ANKS1B: variants seen among roughly 807,000 people sequenced by gnomAD.
The protein encoded by ANKS1B is ankyrin repeat and sterile alpha motif domain containing 1B.
In ANKS1B, 36 loss-of-function variants were observed where a neutral mutation model predicts 148.3. The ratio of observed to expected loss-of-function variants is 0.24; its 90% CI spans 0.19 to 0.32. The LOEUF (loss-of-function observed/expected upper bound fraction) is 0.32, where lower values mean the gene tolerates loss of function less well. Among genes scored for constraint, ANKS1B ranks in the 10% least tolerant of loss-of-function variants. The pLI, the probability that ANKS1B is intolerant of heterozygous loss-of-function variation, is 1.00. For missense variants in ANKS1B, 1,157 were observed against 1,542.6 expected, an observed-to-expected ratio of 0.75 and a Z score of 4.19; for synonymous variants, 542 against 560.8, an observed-to-expected ratio of 0.97 and a Z score of 0.47.
rs758561981 is a variant in ANKS1B at position 99,825,318 on chromosome 12, T to C, written c.206A>G (p.Asn69Ser). The C allele has an allele frequency of 1.2e-6, 2 of 1,612,434 alleles. No homozygotes were observed. The highest frequency in any genetic ancestry group is 2.2e-5 in the East Asian group (1 of 44,814). The change falls in exon 2 of 27, where the codon AAT becomes AGT. Residue 69 changes from asparagine (N) to serine (S), a missense_variant. By Grantham distance (46) the Asn-to-Ser change is conservative (BLOSUM62 1). Transcript: ENST00000683438. ...GYTALHHAAL[N>S]GHKDIVLKLL... ...AATAAGTGGCACTTACTTATGTCCA[T>C]TTAAGGCTGCGTGGTGTAAAGCAGT... is the stretch of plus-strand genomic sequence containing the variant.
At chr12:99,353,753 G>C (rs1352666935) in intron 12 of ANKS1B, among the ~76,000 whole-genome samples, 1 of 151,452 alleles carries the variant, frequency 6.6e-6, no homozygotes, top group African/African-American at 2.4e-5. Flanking sequence ...CTAGCTCACT[G>C]CTTTCTTCTC....
rs1306563537 is a variant in ANKS1B at position 99,602,368 on chromosome 12, A to C, written c.1272+52699T>G. 1.3e-5 allele frequency among the ~76,000 whole-genome samples: 2 copies of C among 152,098 alleles called. 1 individual carries two copies. Among genetic ancestry groups the C allele is most frequent in the South Asian group, 4.2e-4 (2 of 4,804 alleles). ...TGGTATTGCAGGTAGGCCTCCACCAAACTTAGTCCTCCATATGGTGTGAGT... is the reference window on the plus strand; with the variant it reads ...TGGTATTGCAGGTAGGCCTCCACCACACTTAGTCCTCCATATGGTGTGAGT... On this transcript the variant is annotated intron_variant, in intron 9 of 26. Transcript: ENST00000683438.
intron 17 of ANKS1B, among the ~76,000 whole-genome samples, chr12:98,942,729 T>C (rs1184480125): frequency 6.6e-6 from 1 of 152,224 alleles, no homozygotes; most frequent in Admixed American, 6.5e-5. Context: ...TTGTTCAATA[T>C]ATAACGGAAT....
At chr12:98,762,309 C>G (rs2098419438) in intron 25 of ANKS1B, among the ~76,000 whole-genome samples, 1 of 152,156 alleles carries the variant, frequency 6.6e-6, no homozygotes, top group Non-Finnish European at 1.5e-5. Flanking sequence ...CTGGGAGTTT[C>G]AGGATTCTCT....
chr12:99,564,733 A>G (rs945584239), intron 9 of ANKS1B, among the ~76,000 whole-genome samples: 2 of 152,146 alleles, frequency 1.3e-5, no homozygotes, highest in Non-Finnish European at 2.9e-5. Context: ...AGCACAAACA[A>G]TAATAGTCTG....
At chr12:99,422,072 C>G (rs183339747) in intron 11 of ANKS1B, among the ~76,000 whole-genome samples, 1 of 152,146 alleles carries the variant, frequency 6.6e-6, no homozygotes, top group African/African-American at 2.4e-5. Context: ...GAACCGTGAG[C>G]CAATTAAATC....
chr12:99,708,844 G>A (rs535888309), intron 8 of ANKS1B, among the ~76,000 whole-genome samples: 1 of 152,072 alleles, frequency 6.6e-6, no homozygotes, highest in South Asian at 2.1e-4. Context: ...TTCCAACCTG[G>A]ATATTTTTGG....
intron 12 of ANKS1B, among the ~76,000 whole-genome samples, chr12:99,339,899 C>A (rs939129640): frequency 1.3e-5 from 2 of 152,028 alleles, no homozygotes; most frequent in Non-Finnish European, 2.9e-5. Context: ...AGGTCTCAAT[C>A]CTGTATACTT....
At chr12:98,743,338 C>T (rs1471847239), downstream of ANKS1B, among the ~76,000 whole-genome samples, 1 of 150,640 alleles carries the variant, frequency 6.6e-6, no homozygotes, top group African/African-American at 2.4e-5. Context: ...TCATAGGGTT[C>T]GTTAACTCAG....
chr12:98,824,121 C>T (rs762881832), intron 19 of ANKS1B, among the ~76,000 whole-genome samples: 6 of 152,128 alleles, frequency 3.9e-5, no homozygotes, highest in South Asian at 2.1e-4. Context: ...ACAATAATAA[C>T]GTGTTATTAC....
Position 99,046,836 on chromosome 12 carries a change from A to C in ANKS1B, c.2778+6321T>G, listed in dbSNP as rs570461034. Among the ~76,000 whole-genome samples, 4 of 151,792 alleles carry C rather than the reference A, an allele frequency of 2.6e-5. No homozygotes were observed. The South Asian group carries it at 8.4e-4, about 32-fold the overall frequency. ...AAAAAAGAAAAAAAAAAGAAAAAGA[A>C]AGACCCAAGTCTAACTTGTGAAGAT... is the stretch of plus-strand genomic sequence containing the variant. On this transcript the variant is annotated intron_variant, in intron 17 of 26. Transcript: ENST00000683438.
chr12:99,735,776 C>A, intron 8 of ANKS1B, among the ~76,000 whole-genome samples: 1 of 142,828 alleles, frequency 7.0e-6, no homozygotes. Context: ...CTAGAATTAC[C>A]CTGATACTAA....
At chr12:98,996,723 G>T (rs2099929852) in intron 17 of ANKS1B, among the ~76,000 whole-genome samples, 1 of 141,942 alleles carries the variant, frequency 7.0e-6, no homozygotes, top group Non-Finnish European at 1.5e-5. Flanking sequence ...TGAGGCAGGA[G>T]AATGGCATGA....
At chr12:98,847,845 C>T (rs1420808295) in intron 17 of ANKS1B, among the ~76,000 whole-genome samples, 1 of 152,168 alleles carries the variant, frequency 6.6e-6, no homozygotes, top group African/African-American at 2.4e-5. Context: ...ATTTGCCCGC[C>T]TCAGCCTCTC....
downstream of ANKS1B, among the ~76,000 whole-genome samples, chr12:98,741,460 A>T (rs952307897): frequency 6.6e-6 from 1 of 152,242 alleles, no homozygotes; most frequent in African/African-American, 2.4e-5. Flanking sequence ...TTCAAAACCC[A>T]ACGATTTTGC....
chr12:99,204,882 G>T (rs529787675), intron 14 of ANKS1B, among the ~76,000 whole-genome samples: 1 of 152,232 alleles, frequency 6.6e-6, no homozygotes. Context: ...ATTTTCTTGA[G>T]GGCAGTAAAG....
intron 8 of ANKS1B, among the ~76,000 whole-genome samples, chr12:99,725,667 T>A (rs2058548897): frequency 6.6e-6 from 1 of 152,218 alleles, no homozygotes; most frequent in African/African-American, 2.4e-5. Flanking sequence ...AAAAGAGATC[T>A]ACAGAACCCT....
At chr12:99,167,385 T>C (rs2077293761) in intron 14 of ANKS1B, among the ~76,000 whole-genome samples, 1 of 152,074 alleles carries the variant, frequency 6.6e-6, no homozygotes, top group South Asian at 2.1e-4. Flanking sequence ...CAAAACTCAG[T>C]ATTAAGAAAA....
At chr12:99,819,500 G>T (rs564423066) in intron 2 of ANKS1B, among the ~76,000 whole-genome samples, 1 of 151,520 alleles carries the variant, frequency 6.6e-6, no homozygotes, top group Non-Finnish European at 1.5e-5. Flanking sequence ...ACGCAATCTG[G>T]ATTACAGATA....
Sources: gnomAD v4.1 joint callset for allele counts (sites outside exome capture counted in the v4.1 genomes callset) on GRCh38, gnomAD v4.1.1 for gene constraint, MANE v1.5 for transcripts, NCBI Gene and HGNC (gene_info 2026-07-23, HGNC 2026-07-21) for gene names.